Variants in SLC8A1 observed in about 807,000 individuals in gnomAD.
The protein encoded by SLC8A1 is sodium/calcium exchanger 1.
A neutral mutation model predicts 68.3 loss-of-function variants in SLC8A1; 18 were observed. The ratio of observed to expected loss-of-function variants is 0.26; its 90% CI spans 0.18 to 0.39. The LOEUF is 0.39. Ranked by LOEUF, SLC8A1 falls within the 10% of genes least tolerant of loss-of-function variation. SLC8A1 has a pLI of 1.00. For synonymous variants in SLC8A1, 475 were observed against 415.5 expected, an observed-to-expected ratio of 1.14 and a Z score of -1.74; for missense variants, 985 against 1,156.7, an observed-to-expected ratio of 0.85 and a Z score of 2.15.
At chr2:40,175,235 G>C (rs756937371) in intron 3 of SLC8A1, 26 bp downstream of exon 4, 1 of 1,609,824 alleles carries the variant, frequency 6.2e-7, no homozygotes. Flanking sequence ...AAAATGGAAA[G>C]GAAATGCAAG....
chr2:40,387,719 C>G (rs558881610), intron 2 of SLC8A1, among the ~76,000 whole-genome samples: 1 of 147,034 alleles, frequency 6.8e-6, no homozygotes, highest in East Asian at 2.0e-4. Flanking sequence ...GGGTGGATCA[C>G]TTGAGGTCAG....
intron 4 of SLC8A1, among the ~76,000 whole-genome samples, chr2:40,171,700 G>A (rs961997887): frequency 1.3e-5 from 2 of 152,314 alleles, no homozygotes; most frequent in Non-Finnish European, 2.9e-5. Context: ...CCCTATGTGT[G>A]AGAACAATGT....
At chr2:40,305,849 T>A (rs957808511) in intron 2 of SLC8A1, among the ~76,000 whole-genome samples, 35 of 152,292 alleles carry the variant, frequency 2.3e-4, no homozygotes, top group Non-Finnish European at 1.2e-4. Context: ...ATAAATATAT[T>A]TTGTGAAACA....
At chr2:40,446,815 A>C (rs1215618184) in intron 1 of SLC8A1, among the ~76,000 whole-genome samples, 1 of 152,232 alleles carries the variant, frequency 6.6e-6, no homozygotes, top group Non-Finnish European at 1.5e-5. Context: ...ATCCAATGAG[A>C]AAACGTGTGT....
rs1553400337 is a variant in SLC8A1 at position 40,192,365 on chromosome 2, G to GGT, written c.1809-14511_1809-14510insAC. ...ACCTATCCATGGATCTCCTTTTAGAGTTTTTTTTACATTTATATAACTAAA... is the reference window on the plus strand; with the variant it reads ...ACCTATCCATGGATCTCCTTTTAGAGGTTTTTTTTTACATTTATATAACTAAA... On this transcript the variant is annotated intron_variant, in intron 2 of 7. Coordinates refer to ENST00000406785, the Ensembl canonical transcript of SLC8A1. Among the ~76,000 whole-genome samples, 8 of 8,724 alleles carry GGT rather than the reference G, an allele frequency of 9.2e-4. No homozygotes were observed. In the South Asian group the frequency reaches 0.057, roughly 62 times the overall value. 5.7% of individuals were successfully genotyped at this position (8,724 alleles called of 152,430 possible).
At chr2:40,164,809 C>G (rs751836464) in intron 5 of SLC8A1, 45 bp downstream of exon 8, 2 of 1,608,788 alleles carry the variant, frequency 1.2e-6, no homozygotes, top group South Asian at 2.2e-5. Flanking sequence ...CAGTTTCTGT[C>G]CCAAGGTGAG....
chr2:40,115,186 G>T, exon 8 of SLC8A1: 1 of 1,124,040 alleles, frequency 8.9e-7, no homozygotes, highest in Non-Finnish European at 1.2e-6. Context: ...AGTTTCCTCT[G>T]TCCATTATAC....
chr2:40,369,240 G>A (rs932329492), intron 2 of SLC8A1, among the ~76,000 whole-genome samples: 1 of 152,088 alleles, frequency 6.6e-6, no homozygotes, highest in African/African-American at 2.4e-5. Context: ...TGTCAACAGA[G>A]TAAAGAGACA....
intron 4 of SLC8A1, among the ~76,000 whole-genome samples, chr2:40,165,751 G>T (rs1172685814): frequency 6.6e-6 from 1 of 152,140 alleles, no homozygotes; most frequent in Non-Finnish European, 1.5e-5. Context: ...AGGAGAGGAC[G>T]GTGGGTGCTG....
chr2:40,236,434 T>C (rs1314530035), intron 2 of SLC8A1, among the ~76,000 whole-genome samples: 4 of 152,240 alleles, frequency 2.6e-5, no homozygotes, highest in Non-Finnish European at 2.9e-5. Context: ...CCTGCCTTTT[T>C]TTGTTTTCCA....
intron 1 of SLC8A1, among the ~76,000 whole-genome samples, chr2:40,479,872 C>A (rs937551852): frequency 1.0e-3 from 156 of 152,264 alleles, no homozygotes; most frequent in African/African-American, 3.8e-3. Context: ...ACTAGCTGTG[C>A]AGTTGCCTAC....
At chr2:40,130,646 C>G (rs928856140) in intron 7 of SLC8A1, among the ~76,000 whole-genome samples, 1 of 152,210 alleles carries the variant, frequency 6.6e-6, no homozygotes, top group Non-Finnish European at 1.5e-5. Context: ...TATACTTGCC[C>G]TTTAGTAGCC....
intron 2 of SLC8A1, among the ~76,000 whole-genome samples, chr2:40,364,870 A>AT (rs1347949965): frequency 6.6e-6 from 1 of 151,858 alleles, no homozygotes. Flanking sequence ...TTTTCTTTTA[A>AT]TTTTTTTTCT....
At chr2:40,509,490 T>G (rs923785536) in intron 1 of SLC8A1, among the ~76,000 whole-genome samples, 7 of 149,988 alleles carry the variant, frequency 4.7e-5, no homozygotes, top group Non-Finnish European at 8.9e-5. Flanking sequence ...ATCTTTTCCC[T>G]TGAAACATAA....
At chr2:40,384,803 C>T (rs1337617601) in intron 2 of SLC8A1, among the ~76,000 whole-genome samples, 1 of 152,002 alleles carries the variant, frequency 6.6e-6, no homozygotes, top group African/African-American at 2.4e-5. Context: ...TTAGCTTTTA[C>T]AATTTTTTCC....
chr2:40,132,170 T>C (rs955285057), intron 7 of SLC8A1, among the ~76,000 whole-genome samples: 6 of 151,948 alleles, frequency 3.9e-5, no homozygotes, highest in Non-Finnish European at 8.8e-5. Context: ...GTGAGGCATA[T>C]GGAAAAGAGC....
chr2:40,453,373 T>C (rs1469111827), upstream of SLC8A1: 1 of 152,008 alleles, frequency 6.6e-6, no homozygotes, highest in Admixed American at 6.6e-5. Flanking sequence ...GGCAGAAAGT[T>C]AGTTTTTTTT....
intron 2 of SLC8A1, among the ~76,000 whole-genome samples, chr2:40,205,025 G>A (rs771188942): frequency 6.6e-6 from 1 of 151,770 alleles, no homozygotes; most frequent in Non-Finnish European, 1.5e-5. Context: ...CTTTTCATAC[G>A]TGCATATCAG....
chr2:40,474,515 C>T (rs937380939), intron 1 of SLC8A1, among the ~76,000 whole-genome samples: 1 of 152,254 alleles, frequency 6.6e-6, no homozygotes, highest in Admixed American at 6.5e-5. Flanking sequence ...ATGTCAGCTT[C>T]CCCGTTTTCT....
Sources: allele counts gnomAD v4.1 joint callset (sites outside exome capture counted in the v4.1 genomes callset), GRCh38; gene constraint gnomAD v4.1.1; transcripts MANE v1.5; gene names NCBI Gene and HGNC (gene_info 2026-07-23, HGNC 2026-07-21).